The following ASTN1 variants were observed in gnomAD, a reference collection of about 807,000 sequenced individuals.
ASTN1 encodes the protein astrotactin 1.
Under a neutral mutation model 140.7 loss-of-function variants are expected in ASTN1, and 41 were observed. The observed-to-expected ratio is 0.29, with a 90% CI of 0.23 to 0.38. The LOEUF (loss-of-function observed/expected upper bound fraction) is 0.38, where lower values mean the gene tolerates loss of function less well. Ranked by LOEUF, ASTN1 falls within the 10% of genes least tolerant of loss-of-function variation. The pLI is 1.00. For synonymous variants in ASTN1, 640 were observed against 652.2 expected (o/e 0.98, Z 0.29); for missense variants, 1,479 against 1,678.8 (o/e 0.88, Z 2.08).
intron 21 of ASTN1, among the ~76,000 whole-genome samples, chr1:176,874,165 C>T (rs1668468607): frequency 6.6e-6 from 1 of 152,210 alleles, no homozygotes; most frequent in Non-Finnish European, 1.5e-5. Flanking sequence ...CTACCTGCCT[C>T]TCTCTGGCTT....
At chr1:177,025,942 C>G (rs1676089682) in intron 5 of ASTN1, among the ~76,000 whole-genome samples, 1 of 152,118 alleles carries the variant, frequency 6.6e-6, no homozygotes, top group South Asian at 2.1e-4. Flanking sequence ...GAGAGCATGC[C>G]TAGTCCCAGG....
intron 5 of ASTN1, chr1:177,029,248 T>G: frequency 2.2e-6 from 1 of 458,972 alleles, no homozygotes; most frequent in Non-Finnish European, 4.5e-6. Flanking sequence ...CCAAGGCCAA[T>G]GTGGTAGAGG....
chr1:176,894,690 G>T lies in ASTN1; in HGVS notation c.2812C>A (p.Arg938=), dbSNP rs758588980. Residue 938 remains arginine, a synonymous_variant, in exon 17 of 23, where the codon CGA becomes AGA. Transcript: ENST00000361833. The stretch of plus-strand genomic sequence containing the variant: ...CACAGGGGGCAGGACGAGGGGCATC[G>T]TCCCTTGCTGTGGCACTCCATGCGG... ...GVRMECHSKG[R]CPSSCPLCHV... 1.2e-6 allele frequency: 2 copies of T among 1,614,110 alleles called. No homozygotes were observed. Among genetic ancestry groups the T allele is most frequent in the South Asian group, 2.2e-5 (2 of 91,082 alleles).
At chr1:176,997,185 C>G (rs1674495537) in intron 8 of ASTN1, among the ~76,000 whole-genome samples, 1 of 152,150 alleles carries the variant, frequency 6.6e-6, no homozygotes, top group Admixed American at 6.5e-5. Flanking sequence ...GCCAGGCACT[C>G]TCACTTTCCA....
rs76809849 is a variant in ASTN1, at chr1:176,936,518, G to T, written c.2378-148C>A. 4.7e-3 allele frequency: 3,161 copies of T among 669,444 alleles called. 66 individuals are homozygous for T. In the African/African-American group the frequency reaches 0.048, roughly 10 times the overall value. The allele number at this position is 669,444 out of a possible 1,614,324, so 41.5% of individuals were successfully genotyped here. A position where few individuals can be genotyped will look rare whatever the true frequency, so the allele number is the denominator to read the frequency against. On this transcript the variant is annotated intron_variant, in intron 14 of 22. Coordinates refer to ENST00000361833, the MANE Select transcript of ASTN1 (RefSeq NM_004319.3). ...GATGAAGAGAATTTCTGGAACCATA[G>T]TAACAACAGTTATCATTTATTGAAC...
intron 1 of ASTN1, among the ~76,000 whole-genome samples, chr1:177,083,177 G>T (rs1045999487): frequency 6.6e-5 from 10 of 151,944 alleles, no homozygotes. Flanking sequence ...GGAGAAATAG[G>T]TTTAGTGACC....
intron 16 of ASTN1, among the ~76,000 whole-genome samples, chr1:176,916,462 C>T (rs910201003): frequency 6.6e-6 from 1 of 152,134 alleles, no homozygotes; most frequent in African/African-American, 2.4e-5. Context: ...TGAAAGATCT[C>T]TACATTCTTA....
intron 8 of ASTN1, among the ~76,000 whole-genome samples, chr1:176,986,124 C>T (rs1215307276): frequency 6.6e-6 from 1 of 152,170 alleles, no homozygotes; most frequent in Non-Finnish European, 1.5e-5. Context: ...TTCCAGCTTA[C>T]TTCATTTTTT....
chr1:177,058,470 T>C (rs1279315700), intron 2 of ASTN1, among the ~76,000 whole-genome samples: 1 of 152,190 alleles, frequency 6.6e-6, no homozygotes, highest in Non-Finnish European at 1.5e-5. Flanking sequence ...TGGTCTGCCA[T>C]TGGTGACAAG....
At chr1:176,931,019 G>C (rs1021229422) in intron 16 of ASTN1, among the ~76,000 whole-genome samples, 1 of 152,124 alleles carries the variant, frequency 6.6e-6, no homozygotes, top group African/African-American at 2.4e-5. Context: ...CCGGCACGCA[G>C]GTGGAGAAGT....
intron 1 of ASTN1, among the ~76,000 whole-genome samples, chr1:177,074,002 C>T (rs1160853339): frequency 6.6e-6 from 1 of 151,792 alleles, no homozygotes; most frequent in Non-Finnish European, 1.5e-5. Context: ...GGGTAGAATA[C>T]TATTGTGTTC....
rs1049429503 is a variant in ASTN1 at position 177,032,168 on chromosome 1, A to T, written c.865+288T>A. On this transcript the variant is annotated intron_variant, in intron 3 of 22. Transcript: ENST00000361833. Reference sequence around the variant, plus strand: ...CATTTCCCAGAGGGTTGCTCATTACATACTAAAATGGCTCTAACTCACTCC... The same window carrying T: ...CATTTCCCAGAGGGTTGCTCATTACTTACTAAAATGGCTCTAACTCACTCC... Among the ~76,000 whole-genome samples the T allele has an allele frequency of 4.1e-4, 62 of 152,314 alleles. 1 individual carries two copies. Among genetic ancestry groups the T allele is most frequent in the Non-Finnish European group, 2.8e-4 (19 of 68,018 alleles).
At chr1:177,029,293 T>C (rs1034579189) in intron 5 of ASTN1, 15 of 505,836 alleles carry the variant, frequency 3.0e-5, no homozygotes, top group Non-Finnish European at 5.6e-5. Flanking sequence ...TCTTTTCACA[T>C]ACAACACACT....
chr1:176,879,743 T>C (rs1009659339), intron 20 of ASTN1, among the ~76,000 whole-genome samples: 1 of 152,210 alleles, frequency 6.6e-6, no homozygotes, highest in Non-Finnish European at 1.5e-5. Context: ...CTTTCCACTT[T>C]TAGTAGTGTA....
chr1:177,088,884 A>G (rs1257541690), intron 1 of ASTN1, among the ~76,000 whole-genome samples: 1 of 152,042 alleles, frequency 6.6e-6, no homozygotes, highest in Non-Finnish European at 1.5e-5. Flanking sequence ...TTTCCTCAAT[A>G]AAACAGGGTA....
chr1:176,937,531 T>C (rs1671500871), intron 14 of ASTN1, among the ~76,000 whole-genome samples: 1 of 152,108 alleles, frequency 6.6e-6, no homozygotes, highest in African/African-American at 2.4e-5. Flanking sequence ...TGTCACCCTG[T>C]TTGAATTCTA....
chr1:176,894,415 T>C, intron 17 of ASTN1, 147 bp downstream of exon 17: 1 of 1,066,768 alleles, frequency 9.4e-7, no homozygotes, highest in Non-Finnish European at 1.3e-6. Flanking sequence ...TTTAAACAAA[T>C]TAGGTGCCCA....
chr1:176,933,493 A>G (rs1671294681), intron 16 of ASTN1, among the ~76,000 whole-genome samples: 1 of 152,230 alleles, frequency 6.6e-6, no homozygotes, highest in South Asian at 2.1e-4. Flanking sequence ...AGATACAAAT[A>G]TACTGGCCAC....
chr1:176,998,661 C>T (rs1291062043), intron 8 of ASTN1, among the ~76,000 whole-genome samples: 2 of 152,188 alleles, frequency 1.3e-5, no homozygotes, highest in South Asian at 2.1e-4. Flanking sequence ...TTCACCCACC[C>T]GACCGCTGTG....
Sources: gnomAD v4.1 joint callset for allele counts (sites outside exome capture counted in the v4.1 genomes callset) on GRCh38, gnomAD v4.1.1 for gene constraint, MANE v1.5 for transcripts, NCBI Gene and HGNC (gene_info 2026-07-23, HGNC 2026-07-21) for gene names.